CFAP74: variants seen among roughly 807,000 people sequenced by gnomAD.
CFAP74 encodes cilia- and flagella-associated protein 74.
CFAP74 carries 124 observed loss-of-function variants against 188.9 expected under a neutral mutation model. The observed-to-expected ratio is 0.66, with a 90% CI of 0.57 to 0.76. CFAP74 has a LOEUF of 0.76. CFAP74 is among the 30% of genes least tolerant of loss of function. The pLI is 0.00. For synonymous variants in CFAP74, 956 were observed against 916.7 expected, an observed-to-expected ratio of 1.04 and a Z score of -0.77; for missense variants, 2,198 against 2,165.2, an observed-to-expected ratio of 1.02 and a Z score of -0.30.
chr1:1,930,072 C>G lies in CFAP74; in HGVS notation c.3276G>C (p.Val1092=). 2.0e-6 allele frequency: 3 copies of G among 1,522,672 alleles called. No homozygotes were observed. The allele number at this position is 1,522,672 out of a possible 1,614,324, so 94.3% of individuals were successfully genotyped here. ...GGCCCACACCCACCTTTCCTGGCCA[C>G]ACGGTCCCCACTGAGGGCGAGATGG... ...PITISPSVGT[V]WPGKRCLVQV... The change falls in exon 26 of 39, where the codon GTG becomes GTC. Residue 1092 remains valine, a synonymous_variant. Coordinates refer to ENST00000682832, the MANE Select transcript of CFAP74 (RefSeq NM_001304360.2).
At chr1:1,939,556 C>T (rs1321369528) in intron 24 of CFAP74, 38 bp downstream of exon 24, 1 of 1,518,878 alleles carries the variant, frequency 6.6e-7, no homozygotes, top group Non-Finnish European at 8.8e-7. Context: ...ACTTCCCAGC[C>T]TCACCCCTCT....
intron 13 of CFAP74, among the ~76,000 whole-genome samples, chr1:1,964,277 ATGTTCCCACCC>A (rs1186105605): frequency 6.6e-6 from 1 of 152,166 alleles, no homozygotes; most frequent in African/African-American, 2.4e-5. Context: ...TCAGCCTCAC[ATGTTCCCACCC>A]TGTCCCTGCT....
chr1:1,980,938 T>C (rs1490903089), intron 6 of CFAP74, among the ~76,000 whole-genome samples: 1 of 152,162 alleles, frequency 6.6e-6, no homozygotes, highest in Non-Finnish European at 1.5e-5. Context: ...GCGCATGGTG[T>C]GGCAGCAGGG....
chr1:1,948,324 G>A (rs1359038695), intron 18 of CFAP74, among the ~76,000 whole-genome samples: 1 of 151,942 alleles, frequency 6.6e-6, no homozygotes, highest in East Asian at 1.9e-4. Flanking sequence ...CCAGGCTGGA[G>A]TGCAGTGGTG....
rs760465622 is a variant in CFAP74, at chr1:1,973,069, A to G, written c.675-22T>C. ...CTTCCTGTGGGGATATGGGGCCGTC[A>G]GAGGGAAACTCGGCATCACACGTCC... On this transcript the variant is annotated intron_variant, in intron 7 of 38. Coordinates refer to ENST00000682832, the MANE Select transcript of CFAP74 (RefSeq NM_001304360.2). The surrounding 1 kb of genome is among the most constrained non-coding windows in gnomAD (Gnocchi z 6.2). 7.0e-6 allele frequency: 11 copies of G among 1,573,804 alleles called. No homozygotes were observed. The East Asian group carries it at 2.5e-4, about 35-fold the overall frequency.
chr1:1,960,304 C>G (rs1471626072), intron 14 of CFAP74, among the ~76,000 whole-genome samples: 1 of 152,278 alleles, frequency 6.6e-6, no homozygotes, highest in Non-Finnish European at 1.5e-5. Flanking sequence ...CCCAGGCCAA[C>G]TGCCAGGAAA....
At chr1:1,989,630 T>A (rs897962974) in intron 2 of CFAP74, among the ~76,000 whole-genome samples, 3 of 152,128 alleles carry the variant, frequency 2.0e-5, no homozygotes, top group East Asian at 3.8e-4. Context: ...CCAGCTAATT[T>A]TTATATTTTT....
intron 6 of CFAP74, among the ~76,000 whole-genome samples, chr1:1,982,266 A>C: frequency 9.0e-6 from 1 of 111,030 alleles, no homozygotes; most frequent in Non-Finnish European, 2.1e-5. Context: ...GGGGACACGC[A>C]GGACACCCAG....
At chr1:1,996,586 T>A (rs1657924538) in intron 1 of CFAP74, among the ~76,000 whole-genome samples, 1 of 152,072 alleles carries the variant, frequency 6.6e-6, no homozygotes, top group Admixed American at 6.6e-5. Context: ...TGTAATCTCA[T>A]GTGGGCTTCT....
chr1:1,946,009 A>C, intron 20 of CFAP74, among the ~76,000 whole-genome samples: 1 of 147,236 alleles, frequency 6.8e-6, no homozygotes, highest in Admixed American at 6.8e-5. Flanking sequence ...TGTGTGCGGG[A>C]CTGCGTGTGT....
Position 1,968,970 on chromosome 1 carries a change from G to A in CFAP74, c.1047-137C>T, listed in dbSNP as rs904529139. Reference sequence around the variant, plus strand: ...CTGCCCAGCAGCCCCAGGTGAGACAGCGCCTGGCGGCCCCTCCCTAGCTCC... The same window carrying A: ...CTGCCCAGCAGCCCCAGGTGAGACAACGCCTGGCGGCCCCTCCCTAGCTCC... On this transcript the variant is annotated intron_variant, in intron 10 of 38. Transcript: ENST00000682832. The surrounding 1 kb of genome is among the most constrained non-coding windows in gnomAD (Gnocchi z 4.3). 1.4e-5 allele frequency: 6 copies of A among 425,820 alleles called. No homozygotes were observed. The highest frequency in any genetic ancestry group is 2.0e-5 in the Non-Finnish European group (5 of 248,834). The allele number at this position is 425,820 out of a possible 1,614,324, so 26.4% of individuals were successfully genotyped here. A position where few individuals can be genotyped will look rare whatever the true frequency, so the allele number is the denominator to read the frequency against.
At chr1:1,946,520 G>C in intron 19 of CFAP74, 81 bp from the exon 20 acceptor site, 1 of 1,442,208 alleles carries the variant, frequency 6.9e-7, no homozygotes, top group Non-Finnish European at 9.1e-7. Flanking sequence ...ATGGCATGTT[G>C]CTGCAAGGAT....
intron 18 of CFAP74, among the ~76,000 whole-genome samples, chr1:1,951,893 C>T (rs1472795347): frequency 2.0e-5 from 3 of 152,084 alleles, no homozygotes; most frequent in South Asian, 2.1e-4. Flanking sequence ...TGATGCAAAC[C>T]GCCTCATGCA....
intron 24 of CFAP74, 66 bp from the exon 25 acceptor site, chr1:1,939,054 G>C: frequency 1.4e-6 from 2 of 1,476,720 alleles, no homozygotes; most frequent in Non-Finnish European, 1.8e-6. Flanking sequence ...GTGCGGCAGG[G>C]CCGTGAGTGT....
intron 6 of CFAP74, among the ~76,000 whole-genome samples, chr1:1,977,138 T>C (rs1656501383): frequency 1.3e-5 from 2 of 152,086 alleles, no homozygotes; most frequent in African/African-American, 4.8e-5. Context: ...GTGAGCCACC[T>C]CGCCCAGCCA....
intron 1 of CFAP74, among the ~76,000 whole-genome samples, chr1:2,000,969 G>C (rs1160304811): frequency 6.6e-6 from 1 of 152,186 alleles, no homozygotes; most frequent in Non-Finnish European, 1.5e-5. Context: ...CACTGTCACA[G>C]TAGGTTCCCT....
At chr1:1,982,228 C>T (rs564023759) in intron 6 of CFAP74, among the ~76,000 whole-genome samples, 3 of 146,152 alleles carry the variant, frequency 2.1e-5, no homozygotes, top group Admixed American at 6.8e-5. Context: ...CGCGGGGACA[C>T]GCAGGACACC....
chr1:1,998,143 T>A (rs944540367), intron 1 of CFAP74, among the ~76,000 whole-genome samples: 84 of 152,226 alleles, frequency 5.5e-4, no homozygotes, highest in African/African-American at 1.7e-3. Context: ...CCGAGTGTGG[T>A]GGCGGGCACC....
At chr1:1,947,562 C>T (rs1007128110) in intron 18 of CFAP74, among the ~76,000 whole-genome samples, 2 of 152,222 alleles carry the variant, frequency 1.3e-5, no homozygotes, top group Non-Finnish European at 2.9e-5. Flanking sequence ...AGCAAGGCCC[C>T]GGGTAGCAGA....
Sources: allele counts gnomAD v4.1 joint callset (sites outside exome capture counted in the v4.1 genomes callset), GRCh38; gene constraint gnomAD v4.1.1; non-coding constraint Gnocchi (gnomAD v3.1); transcripts MANE v1.5; gene names NCBI Gene and HGNC (gene_info 2026-07-23, HGNC 2026-07-21).